The following TIMM23B variants were observed in gnomAD, a reference collection of about 807,000 sequenced individuals.
TIMM23B encodes translocase of inner mitochondrial membrane 23 homolog B, also known as mitochondrial import inner membrane translocase subunit Tim23B.
Under a neutral mutation model 27.3 loss-of-function variants are expected in TIMM23B, and 27 were observed. The ratio of observed to expected loss-of-function variants is 0.99; its 90% CI spans 0.73 to 1.36. TIMM23B has a LOEUF of 1.36. Ranked by LOEUF, TIMM23B falls within the 40% of genes most tolerant of loss-of-function variation. TIMM23B has a pLI of 0.00. For missense variants in TIMM23B, 205 were observed against 244.2 expected (o/e 0.84, Z 1.07); for synonymous variants, 73 against 92.4 (o/e 0.79, Z 1.21).
intron 6 of TIMM23B, among the ~76,000 whole-genome samples, chr10:49,971,939 T>C (rs1374608455): frequency 6.6e-6 from 1 of 152,180 alleles, no homozygotes; most frequent in African/African-American, 2.4e-5. Context: ...CAAGATCCCT[T>C]CGTTGGTTTA....
chr10:49,959,199 C>G (rs1490482959), intron 6 of TIMM23B, among the ~76,000 whole-genome samples: 1 of 151,920 alleles, frequency 6.6e-6, no homozygotes, highest in African/African-American at 2.4e-5. Context: ...CTGTATTTTT[C>G]ATTCATTTTA....
intron 3 of TIMM23B, 53 bp from the exon 4 acceptor site, chr10:49,952,396 T>A: frequency 6.3e-7 from 1 of 1,578,628 alleles, no homozygotes; most frequent in Non-Finnish European, 8.6e-7. Context: ...GTTTTGAGGT[T>A]TTTTTTTTAA....
intron 6 of TIMM23B, among the ~76,000 whole-genome samples, chr10:49,971,425 C>T (rs1554856552): frequency 1.3e-5 from 2 of 150,786 alleles, no homozygotes; most frequent in African/African-American, 4.9e-5. Flanking sequence ...TCTTTGTAGC[C>T]AAATATAATT....
chr10:49,949,407 A>G (rs1183123480), intron 2 of TIMM23B, among the ~76,000 whole-genome samples: 1 of 151,894 alleles, frequency 6.6e-6, no homozygotes, highest in Non-Finnish European at 1.5e-5. Flanking sequence ...GTGTTCCTTG[A>G]TTTTTTTACT....
chr10:49,958,677 A>G (rs1222313581), intron 6 of TIMM23B, among the ~76,000 whole-genome samples, 197 bp downstream of exon 6: 1 of 152,254 alleles, frequency 6.6e-6, no homozygotes, highest in South Asian at 2.1e-4. Context: ...AGTATACAGT[A>G]CATTAGTATT....
intron 2 of TIMM23B, among the ~76,000 whole-genome samples, chr10:49,951,232 G>C (rs1318857152): frequency 1.3e-5 from 2 of 152,128 alleles, no homozygotes; most frequent in Admixed American, 6.5e-5. Flanking sequence ...CTGAATCAAC[G>C]TTCAGTATTT....
intron 5 of TIMM23B, 40 bp from the exon 6 acceptor site, chr10:49,958,330 A>G (rs1839790818): frequency 6.5e-7 from 1 of 1,542,762 alleles, no homozygotes; most frequent in Non-Finnish European, 9.0e-7. Flanking sequence ...ATCACACTTT[A>G]TCACTGTTTT....
chr10:49,958,377 C>G lies in TIMM23B; in HGVS notation c.411C>G (p.Leu137=). Residue 137 remains leucine (L), a synonymous_variant, in exon 6 of 7, where the codon CTC becomes CTG. Transcript: ENST00000651259. ...CTTCCATTTCCTCTTTAGCGTTGCT[C>G]TATAGTGCATTTGGTGTCATCATTG... is the stretch of plus-strand genomic sequence containing the variant. ...WANTLGSLAL[L]YSAFGVIIEK... The G allele has an allele frequency of 1.2e-6, 2 of 1,613,786 alleles. No individual in the cohort carries two copies. Among genetic ancestry groups the G allele is most frequent in the Non-Finnish European group, 1.7e-6 (2 of 1,179,776 alleles).
intron 6 of TIMM23B, among the ~76,000 whole-genome samples, chr10:49,969,397 A>T (rs1840313338): frequency 6.9e-6 from 1 of 145,252 alleles, no homozygotes; most frequent in Non-Finnish European, 1.5e-5. Context: ...TCATTGTGCC[A>T]CTGCACTCTA....
At chr10:49,959,668 T>G (rs1481595555) in intron 6 of TIMM23B, among the ~76,000 whole-genome samples, 2 of 152,228 alleles carry the variant, frequency 1.3e-5, no homozygotes, top group Non-Finnish European at 2.9e-5. Context: ...CTTTTTAACA[T>G]CTAAAAGATT....
Position 49,973,139 on chromosome 10 carries a change from A to G in TIMM23B, c.*75A>G. On this transcript the variant is annotated 3_prime_UTR_variant, in exon 7 of 7. Transcript: ENST00000651259. ...GAAGCTACACAAAAGGCAGCAAAGT[A>G]TTAGTAAGTGTACCTCTGACATTTT... 8.3e-7 allele frequency: 1 copy of G among 1,205,388 alleles called. No individual in the cohort carries two copies. Among genetic ancestry groups the G allele is most frequent in the Non-Finnish European group, 1.2e-6 (1 of 850,198 alleles). The allele number at this position is 1,205,388 out of a possible 1,614,324, so 74.7% of individuals were successfully genotyped here.
chr10:49,966,310 G>A (rs1340089205), intron 6 of TIMM23B, among the ~76,000 whole-genome samples: 3 of 151,784 alleles, frequency 2.0e-5, no homozygotes, highest in South Asian at 2.1e-4. Context: ...ATGAAATGCC[G>A]GGTGTGGTGG....
At chr10:49,943,328 C>T (rs1436541354) in intron 1 of TIMM23B, 2 of 152,064 alleles carry the variant, frequency 1.3e-5, no homozygotes, top group African/African-American at 2.4e-5. Context: ...CAATCCTCCC[C>T]TCTAAGCCTC....
rs1393973408 is a variant in TIMM23B, at chr10:49,942,120, T to C, written c.-75T>C. The C allele has an allele frequency of 7.4e-6, 11 of 1,482,232 alleles. No individual in the cohort carries two copies. The highest frequency in any genetic ancestry group is 4.2e-5 in the African/African-American group (3 of 70,852). 91.8% of individuals were successfully genotyped at this position (1,482,232 alleles called of 1,614,324 possible). On this transcript the variant is annotated 5_prime_UTR_variant, in exon 1 of 7. Coordinates refer to ENST00000651259, the MANE Select transcript of TIMM23B (RefSeq NM_001290117.2). ...CTGGCAACGCGGGGTTACCCGCTGT[T>C]ATTGAGGAGTAACGGCCCAGCGGAC...
At chr10:49,967,733 C>G (rs1474768230) in intron 6 of TIMM23B, among the ~76,000 whole-genome samples, 1 of 152,038 alleles carries the variant, frequency 6.6e-6, no homozygotes, top group Non-Finnish European at 1.5e-5. Context: ...AAGTTAGACT[C>G]TCATTTCTTT....
At chr10:49,950,198 T>C (rs1356635762) in intron 2 of TIMM23B, among the ~76,000 whole-genome samples, 2 of 150,044 alleles carry the variant, frequency 1.3e-5, no homozygotes, top group Non-Finnish European at 3.0e-5. Flanking sequence ...AAAAAGTTTT[T>C]TCTTTTTTTT....
chr10:49,942,337 G>A, intron 1 of TIMM23B, 37 bp downstream of exon 1: 1 of 1,585,972 alleles, frequency 6.3e-7, no homozygotes, highest in Non-Finnish European at 8.6e-7. Context: ...ATTTCTGACT[G>A]GTTCTTGCGT....
chr10:49,965,074 G>A (rs181258258), intron 6 of TIMM23B, among the ~76,000 whole-genome samples: 665 of 152,136 alleles, frequency 4.4e-3, no homozygotes, highest in East Asian at 0.017. Context: ...ACAAAAATTA[G>A]CCGGGCATGA....
intron 6 of TIMM23B, among the ~76,000 whole-genome samples, chr10:49,970,920 G>A (rs1201708654): frequency 1.1e-4 from 17 of 152,108 alleles, no homozygotes; most frequent in African/African-American, 2.7e-4. Flanking sequence ...TAGAGAAATC[G>A]GATTGTTGCT....
Sources: gnomAD v4.1 joint callset for allele counts (sites outside exome capture counted in the v4.1 genomes callset) on GRCh38, gnomAD v4.1.1 for gene constraint, MANE v1.5 for transcripts, NCBI Gene and HGNC (gene_info 2026-07-23, HGNC 2026-07-21) for gene names.